Variants in DCC observed in about 807,000 individuals in gnomAD.
The protein encoded by DCC is netrin receptor DCC.
DCC carries 58 observed loss-of-function variants against 172.5 expected under a neutral mutation model. That is an observed-to-expected ratio of 0.34 (90% confidence interval 0.27 to 0.42). DCC has a LOEUF of 0.42. Ranked by LOEUF, DCC falls within the 10% of genes least tolerant of loss-of-function variation. The pLI is 1.00. For missense variants in DCC, 1,740 were observed against 1,791.0 expected, an observed-to-expected ratio of 0.97 and a Z score of 0.51; for synonymous variants, 709 against 644.5, an observed-to-expected ratio of 1.10 and a Z score of -1.52.
intron 17 of DCC, among the ~76,000 whole-genome samples, chr18:53,392,819 G>T (rs970057269): frequency 6.6e-6 from 1 of 152,068 alleles, no homozygotes; most frequent in Admixed American, 6.6e-5. Flanking sequence ...CAGCTCTATG[G>T]ATAAACTTAA....
chr18:52,848,478 G>T (rs2038929523), intron 2 of DCC, among the ~76,000 whole-genome samples: 1 of 152,182 alleles, frequency 6.6e-6, no homozygotes, highest in African/African-American at 2.4e-5. Flanking sequence ...CACACATTTT[G>T]GTGGTTTAAA....
chr18:52,386,211 A>G (rs1239789606), intron 1 of DCC, among the ~76,000 whole-genome samples: 1 of 152,048 alleles, frequency 6.6e-6, no homozygotes, highest in African/African-American at 2.4e-5. Flanking sequence ...ATCTTTCTGA[A>G]CCGCTATTTC....
intron 7 of DCC, among the ~76,000 whole-genome samples, chr18:53,116,927 A>G (rs2043417101): frequency 6.6e-6 from 1 of 151,664 alleles, no homozygotes; most frequent in African/African-American, 2.4e-5. Context: ...AAATAAATTT[A>G]TTTTCTCTTG....
chr18:52,726,741 C>T (rs1211303000), intron 1 of DCC, among the ~76,000 whole-genome samples: 1 of 152,180 alleles, frequency 6.6e-6, no homozygotes, highest in Admixed American at 6.6e-5. Flanking sequence ...GGATGAATGA[C>T]TATGGCCAAG....
chr18:52,619,962 A>T (rs2034450290), intron 1 of DCC, among the ~76,000 whole-genome samples: 1 of 152,198 alleles, frequency 6.6e-6, no homozygotes, highest in African/African-American at 2.4e-5. Flanking sequence ...GGAAGGAAAG[A>T]TTCTAGAAAC....
At chr18:53,477,113 A>G (rs2045773518) in intron 25 of DCC, among the ~76,000 whole-genome samples, 1 of 152,176 alleles carries the variant, frequency 6.6e-6, no homozygotes, top group Non-Finnish European at 1.5e-5. Flanking sequence ...GGCTCAAGCA[A>G]TCTTCCTGCC....
intron 2 of DCC, among the ~76,000 whole-genome samples, chr18:52,825,409 C>G (rs1358178504): frequency 6.6e-6 from 1 of 152,122 alleles, no homozygotes; most frequent in Non-Finnish European, 1.5e-5. Context: ...TCCTATTCCT[C>G]TTAAATTTCT....
intron 27 of DCC, among the ~76,000 whole-genome samples, chr18:53,525,734 T>C (rs2046447704): frequency 1.3e-5 from 2 of 152,082 alleles, no homozygotes. Context: ...TCAGCTCTCG[T>C]GATAGAAGAG....
At chr18:52,920,906 GA>G in intron 3 of DCC, among the ~76,000 whole-genome samples, 1 of 152,230 alleles carries the variant, frequency 6.6e-6, no homozygotes, top group East Asian at 1.9e-4. Context: ...ATTGCTGTGA[GA>G]AAAAAGCCAG....
chr18:52,594,084 A>T (rs746763458), intron 1 of DCC, among the ~76,000 whole-genome samples: 1 of 152,160 alleles, frequency 6.6e-6, no homozygotes, highest in Non-Finnish European at 1.5e-5. Flanking sequence ...TCTTTCTTCT[A>T]TTCTTTTACT....
intron 12 of DCC, among the ~76,000 whole-genome samples, chr18:53,303,102 A>G (rs1047664858): frequency 2.6e-5 from 4 of 151,968 alleles, no homozygotes; most frequent in African/African-American, 9.7e-5. Context: ...TTCTCTCCTC[A>G]GGGGTGTTGG....
intron 1 of DCC, among the ~76,000 whole-genome samples, chr18:52,545,931 G>A (rs2032600055): frequency 6.6e-6 from 1 of 152,014 alleles, no homozygotes; most frequent in African/African-American, 2.4e-5. Context: ...TTTTATATTG[G>A]GCTAAATGCA....
At chr18:53,346,936 C>G (rs2057733106) in intron 15 of DCC, among the ~76,000 whole-genome samples, 1 of 152,104 alleles carries the variant, frequency 6.6e-6, no homozygotes, top group African/African-American at 2.4e-5. Context: ...AGAAGGCAAT[C>G]AACAGTTAGA....
intron 28 of DCC, among the ~76,000 whole-genome samples, chr18:53,529,003 TTCTCTCTCTCTCTCTC>T (rs144580817): frequency 2.1e-4 from 21 of 101,086 alleles, no homozygotes; most frequent in East Asian, 7.0e-4. Flanking sequence ...TCACTTCAAC[TTCTCTCTCTCTCTCTC>T]TCTCTCTCTC....
At chr18:53,175,405 CA>C (rs1306851150) in intron 8 of DCC, among the ~76,000 whole-genome samples, 1 of 152,096 alleles carries the variant, frequency 6.6e-6, no homozygotes, top group African/African-American at 2.4e-5. Context: ...TTGCAGACGA[CA>C]TGATTGTATA....
At chr18:53,228,999 T>G (rs2056081932) in intron 12 of DCC, among the ~76,000 whole-genome samples, 1 of 152,168 alleles carries the variant, frequency 6.6e-6, no homozygotes, top group Non-Finnish European at 1.5e-5. Context: ...TTGTATTTTC[T>G]CTGAGTATAA....
intron 7 of DCC, among the ~76,000 whole-genome samples, chr18:53,107,747 A>C (rs1159484755): frequency 6.6e-6 from 1 of 151,828 alleles, no homozygotes; most frequent in East Asian, 2.0e-4. Context: ...TGATGCTGTA[A>C]AGTTTTAAAT....
intron 7 of DCC, among the ~76,000 whole-genome samples, chr18:53,106,819 A>G (rs9963182): frequency 0.079 from 11,953 of 151,960 alleles, 766 homozygotes; most frequent in East Asian, 0.36. Flanking sequence ...ACTTGTTTCA[A>G]TATAAGGTAA....
intron 1 of DCC, among the ~76,000 whole-genome samples, chr18:52,589,543 A>G (rs548518892): frequency 1.5e-4 from 23 of 152,344 alleles, no homozygotes; most frequent in Middle Eastern, 3.4e-3. Context: ...GTCAATCTGC[A>G]AAGCAGAGAG....
Sources: allele counts gnomAD v4.1 joint callset (sites outside exome capture counted in the v4.1 genomes callset), GRCh38; gene constraint gnomAD v4.1.1; transcripts MANE v1.5; gene names NCBI Gene and HGNC (gene_info 2026-07-23, HGNC 2026-07-21).